The following IER3IP1 variants were observed in gnomAD, a reference collection of about 807,000 sequenced individuals.
The protein encoded by IER3IP1 is immediate early response 3 interacting protein 1, also known as immediate early response 3-interacting protein 1.
Under a neutral mutation model 12.2 loss-of-function variants are expected in IER3IP1, and 16 were observed. The observed-to-expected ratio is 1.31, with a 90% CI of 0.89 to 1.99. The LOEUF is 1.99. IER3IP1 is among the 30% of genes most tolerant of loss of function. IER3IP1 has a pLI of 0.00. For missense variants in IER3IP1, 95 were observed against 95.8 expected (o/e 0.99, Z 0.03); for synonymous variants, 42 against 40.0 (o/e 1.05, Z -0.19).
In IER3IP1 at chr18:47,154,307, T is replaced by C. The variant is rs1245368662; in HGVS notation, c.*1870A>G. On this transcript the variant is annotated 3_prime_UTR_variant, in exon 3 of 3. Transcript: ENST00000256433. The stretch of plus-strand genomic sequence containing the variant: ...ACCCCTCTTCAGCCACAAACTGGAA[T>C]TATGAAGTGGCCTCCAGATATGACA... 7 of 152,200 alleles carry C rather than the reference T, an allele frequency of 4.6e-5. No individual in the cohort carries two copies. Among genetic ancestry groups the C allele is most frequent in the African/African-American group, 1.7e-4 (7 of 41,438 alleles). The allele number at this position is 152,200 out of a possible 1,614,324, so 9.4% of individuals were successfully genotyped here. A position where few individuals can be genotyped will look rare whatever the true frequency, so the allele number is the denominator to read the frequency against.
intron 1 of IER3IP1, among the ~76,000 whole-genome samples, chr18:47,167,608 T>C (rs2064000182): frequency 6.6e-6 from 1 of 152,212 alleles, no homozygotes; most frequent in Non-Finnish European, 1.5e-5. Context: ...ACAGACATCA[T>C]ACAAATCTAT....
chr18:47,161,009 T>A (rs1198783625), intron 1 of IER3IP1, among the ~76,000 whole-genome samples: 2 of 152,224 alleles, frequency 1.3e-5, no homozygotes, highest in African/African-American at 4.8e-5. Context: ...AAGACTTACA[T>A]GTCCTCATTT....
In IER3IP1 at chr18:47,176,240, A is replaced by G. The variant is rs2064033281; in HGVS notation, c.38T>C (p.Leu13Pro). 1.2e-6 allele frequency: 2 copies of G among 1,609,398 alleles called. No individual in the cohort carries two copies. The highest frequency in any genetic ancestry group is 1.7e-6 in the Non-Finnish European group (2 of 1,178,234). ...FTLYSLLQAA[L>P]LCVNAIAVLH... ...CACTGCGATGGCGTTGACGCAGAGCAGGGCTGCCTGCAGCAGTGAGTACAG... is the reference window on the plus strand; with the variant it reads ...CACTGCGATGGCGTTGACGCAGAGCGGGGCTGCCTGCAGCAGTGAGTACAG... Residue 13 changes from leucine to proline, a missense_variant, in exon 1 of 3, where the codon CTG (leucine) becomes CCG (proline). Leu to Pro is a moderately conservative substitution (Grantham distance 98). Transcript: ENST00000256433.
chr18:47,167,009 G>A (rs2063998058), intron 1 of IER3IP1, among the ~76,000 whole-genome samples: 1 of 151,704 alleles, frequency 6.6e-6, no homozygotes, highest in Admixed American at 6.6e-5. Flanking sequence ...AGTTCCAGAC[G>A]GCAAAGTATT....
At chr18:47,171,321 G>C (rs1028916698) in intron 1 of IER3IP1, among the ~76,000 whole-genome samples, 5 of 152,130 alleles carry the variant, frequency 3.3e-5, no homozygotes, top group Non-Finnish European at 7.4e-5. Flanking sequence ...AAGAGATATA[G>C]GTCGATAGTC....
intron 1 of IER3IP1, among the ~76,000 whole-genome samples, chr18:47,168,420 A>G (rs553570550): frequency 2.6e-5 from 4 of 152,318 alleles, no homozygotes; most frequent in African/African-American, 9.6e-5. Flanking sequence ...AGCCTGTAGC[A>G]TTAGTGAGTA....
chr18:47,166,283 G>A (rs538575856), intron 1 of IER3IP1, among the ~76,000 whole-genome samples: 6 of 152,222 alleles, frequency 3.9e-5, no homozygotes, highest in African/African-American at 9.6e-5. Context: ...GAAAACATTC[G>A]TTGATTGACA....
chr18:47,159,007 A>G (rs905706456), intron 1 of IER3IP1, among the ~76,000 whole-genome samples: 4 of 136,662 alleles, frequency 2.9e-5, no homozygotes, highest in Non-Finnish European at 5.0e-5. Context: ...TGAGAAACAT[A>G]AAAACACAAC....
rs2063947281 is a variant in IER3IP1, at chr18:47,153,367, C to T, written c.*2810G>A. 2 of 151,958 alleles carry T rather than the reference C, an allele frequency of 1.3e-5. No individual in the cohort carries two copies. Among genetic ancestry groups the T allele is most frequent in the East Asian group, 1.9e-4 (1 of 5,186 alleles). 9.4% of individuals were successfully genotyped at this position (151,958 alleles called of 1,614,324 possible). ...AGTATGTAGTTTCTGTTTCCCTCACCCCCTCCCACCCTCCCTAAAGCAGGG... is the reference window on the plus strand; with the variant it reads ...AGTATGTAGTTTCTGTTTCCCTCACTCCCTCCCACCCTCCCTAAAGCAGGG... On this transcript the variant is annotated 3_prime_UTR_variant, in exon 3 of 3. Coordinates refer to ENST00000256433, the MANE Select transcript of IER3IP1 (RefSeq NM_016097.5).
At chr18:47,159,290 C>T (rs967188732) in intron 1 of IER3IP1, among the ~76,000 whole-genome samples, 1 of 152,198 alleles carries the variant, frequency 6.6e-6, no homozygotes, top group Non-Finnish European at 1.5e-5. Flanking sequence ...CAGTAGGTCA[C>T]CATTGCATAT....
chr18:47,174,641 C>T (rs12962747), intron 1 of IER3IP1, among the ~76,000 whole-genome samples: 2 of 151,314 alleles, frequency 1.3e-5, no homozygotes, highest in African/African-American at 4.9e-5. Flanking sequence ...TGCACTCCAG[C>T]CGGGGGGACA....
chr18:47,176,339 C>T lies in IER3IP1; in HGVS notation c.-62G>A. ...TCTCCCGCCGCCGCAAGGGACGTGG[C>T]GCCTCCACGGCCGGCGCCTTCCTAC... On this transcript the variant is annotated 5_prime_UTR_variant, in exon 1 of 3. Transcript: ENST00000256433. The T allele has an allele frequency of 6.9e-7, 1 of 1,439,706 alleles. No homozygotes were observed. Among genetic ancestry groups the T allele is most frequent in the Non-Finnish European group, 9.5e-7 (1 of 1,047,358 alleles). 89.2% of individuals were successfully genotyped at this position (1,439,706 alleles called of 1,614,324 possible). A position where few individuals can be genotyped will look rare whatever the true frequency, so the allele number is the denominator to read the frequency against.
At chr18:47,169,612 A>ATTACT (rs2064008739) in intron 1 of IER3IP1, among the ~76,000 whole-genome samples, 1 of 151,412 alleles carries the variant, frequency 6.6e-6, no homozygotes, top group Admixed American at 6.6e-5. Context: ...TATTATATTT[A>ATTACT]TTATTTATTA....
In IER3IP1 at chr18:47,156,110, A is replaced by G. The variant is rs2063957906; in HGVS notation, c.*67T>C. On this transcript the variant is annotated 3_prime_UTR_variant, in exon 3 of 3. Coordinates refer to ENST00000256433, the MANE Select transcript of IER3IP1 (RefSeq NM_016097.5). ...AGCCAGCTAAGATATAAATATTCCA[A>G]TAATGACCAAAGTAATAACTTCTAC... The G allele has an allele frequency of 3.6e-5, 36 of 995,154 alleles. No individual in the cohort carries two copies. The South Asian group carries it at 4.1e-4, about 11-fold the overall frequency. The allele number at this position is 995,154 out of a possible 1,614,324, so 61.6% of individuals were successfully genotyped here.
rs1301952713 is a variant in IER3IP1 at position 47,153,406 on chromosome 18, ATATTTT to A, written c.*2765_*2770del. ...CCTAAAGCAGGGATTTTATTTTTTT[ATATTTT>A]TACTTTTTTAACTTTTAGGGGTACA... On this transcript the variant is annotated 3_prime_UTR_variant, in exon 3 of 3. Transcript: ENST00000256433. The A allele has an allele frequency of 2.4e-5, 2 of 82,056 alleles. No homozygotes were observed. Among genetic ancestry groups the A allele is most frequent in the Non-Finnish European group, 4.9e-5 (2 of 40,992 alleles). The allele number at this position is 82,056 out of a possible 1,614,324, so 5.1% of individuals were successfully genotyped here.
chr18:47,175,791 G>A (rs546166740), intron 1 of IER3IP1, among the ~76,000 whole-genome samples: 1 of 151,756 alleles, frequency 6.6e-6, no homozygotes, highest in Admixed American at 6.6e-5. Context: ...CCGAAACTCA[G>A]ACCCCGGGTT....
At chr18:47,157,410 A>G (rs748924004) in intron 2 of IER3IP1, 26 bp downstream of exon 2, 1 of 1,580,984 alleles carries the variant, frequency 6.3e-7, no homozygotes, top group South Asian at 1.1e-5. Flanking sequence ...AAAACTTAAG[A>G]ATGCTCTATT....
intron 1 of IER3IP1, among the ~76,000 whole-genome samples, chr18:47,174,735 A>G (rs1449442153): frequency 2.6e-5 from 4 of 151,590 alleles, no homozygotes; most frequent in Admixed American, 2.0e-4. Context: ...TCCGTATTGT[A>G]GCCTCAAGGA....
chr18:47,152,990 A>G lies in IER3IP1; in HGVS notation c.*3187T>C, dbSNP rs2063945718. On this transcript the variant is annotated 3_prime_UTR_variant, in exon 3 of 3. Transcript: ENST00000256433. The stretch of plus-strand genomic sequence containing the variant: ...ACCAATTTTACAGATAGGACAACCA[A>G]AAACTACTGAGGTCTTAGGAAGTTT... 6.6e-6 allele frequency: 1 copy of G among 152,212 alleles called. No individual in the cohort carries two copies. The highest frequency in any genetic ancestry group is 2.4e-5 in the African/African-American group (1 of 41,452). 9.4% of individuals were successfully genotyped at this position (152,212 alleles called of 1,614,324 possible).
Sources: gnomAD v4.1 joint callset for allele counts (sites outside exome capture counted in the v4.1 genomes callset) on GRCh38, gnomAD v4.1.1 for gene constraint, MANE v1.5 for transcripts, NCBI Gene and HGNC (gene_info 2026-07-23, HGNC 2026-07-21) for gene names.